Variants in TRMT11 observed in about 807,000 individuals in gnomAD.
TRMT11 encodes tRNA (guanine(10)-N(2))-methyltransferase TRMT11.
In TRMT11, 53 loss-of-function variants were observed where a neutral mutation model predicts 62.8. The ratio of observed to expected loss-of-function variants is 0.84; its 90% CI spans 0.68 to 1.06. TRMT11 has a LOEUF of 1.06. Ranked by LOEUF, TRMT11 falls within the 50% of genes least tolerant of loss-of-function variation. The pLI, the probability that TRMT11 is intolerant of heterozygous loss-of-function variation, is 0.00. For synonymous variants in TRMT11, 188 were observed against 190.3 expected, an observed-to-expected ratio of 0.99 and a Z score of 0.10; for missense variants, 556 against 553.4, an observed-to-expected ratio of 1.00 and a Z score of -0.05.
At chr6:126,101,866 G>GC (rs1380375255) in intron 17 of TRMT11, among the ~76,000 whole-genome samples, 1 of 152,176 alleles carries the variant, frequency 6.6e-6, no homozygotes, top group Non-Finnish European at 1.5e-5. Flanking sequence ...AAAACACACT[G>GC]CATCTCAAAT....
At chr6:126,185,097 G>T (rs1211637878) in intron 1 of TRMT11, among the ~76,000 whole-genome samples, 1 of 152,160 alleles carries the variant, frequency 6.6e-6, no homozygotes, top group Non-Finnish European at 1.5e-5. Flanking sequence ...AGATCTTGAA[G>T]GTCAAGAGAA....
At chr6:126,260,474 A>T in the TRMT11 span, among the ~76,000 whole-genome samples, 1 of 152,188 alleles carries the variant, frequency 6.6e-6, no homozygotes, top group African/African-American at 2.4e-5. Flanking sequence ...GCACCATTAT[A>T]TCACTGTGAT....
At chr6:126,003,257 G>A (rs1015653834) in intron 7 of TRMT11, among the ~76,000 whole-genome samples, 7 of 152,118 alleles carry the variant, frequency 4.6e-5, no homozygotes, top group Non-Finnish European at 2.9e-5. Flanking sequence ...TTCTTAAAAC[G>A]TTATGAGAAT....
downstream of TRMT11, among the ~76,000 whole-genome samples, chr6:126,204,457 T>C (rs1778770724): frequency 6.6e-6 from 1 of 152,238 alleles, no homozygotes; most frequent in South Asian, 2.1e-4. Context: ...AGAATCCCTG[T>C]GTACTGCGTT....
intron 11 of TRMT11, among the ~76,000 whole-genome samples, chr6:126,017,473 C>A (rs1385604064): frequency 6.6e-6 from 1 of 152,162 alleles, no homozygotes; most frequent in Non-Finnish European, 1.5e-5. Flanking sequence ...TTCTGCTGTT[C>A]TTTTTCCTTC....
At chr6:126,208,713 T>C (rs1778812575), downstream of TRMT11, among the ~76,000 whole-genome samples, 1 of 152,258 alleles carries the variant, frequency 6.6e-6, no homozygotes, top group Non-Finnish European at 1.5e-5. Flanking sequence ...GTCATATATA[T>C]TTAACAGATA....
chr6:126,093,748 G>A (rs1777309372), intron 17 of TRMT11, among the ~76,000 whole-genome samples: 1 of 150,776 alleles, frequency 6.6e-6, no homozygotes, highest in Non-Finnish European at 1.5e-5. Context: ...GTGGGAGAGT[G>A]CAGTTAATCA....
At chr6:126,226,538 C>A in the TRMT11 span, among the ~76,000 whole-genome samples, 6 of 151,980 alleles carry the variant, frequency 3.9e-5, no homozygotes, top group African/African-American at 1.5e-4. Context: ...ATAATAATTT[C>A]TATATGGAAA....
At chr6:126,260,115 T>C in the TRMT11 span, among the ~76,000 whole-genome samples, 16 of 152,248 alleles carry the variant, frequency 1.1e-4, no homozygotes, top group African/African-American at 3.9e-4. Context: ...AATTGTTTTA[T>C]TGTTGTTTAA....
At position 126,029,107 on chromosome 6, in the gene TRMT11, T is replaced by C. The variant is rs969603152; in HGVS notation, c.1260+7827T>C. Among the ~76,000 whole-genome samples the C allele has an allele frequency of 2.0e-5, 3 of 152,170 alleles. No individual in the cohort carries two copies. The East Asian group carries it at 5.8e-4, about 29-fold the overall frequency. On this transcript the variant is annotated intron_variant, in intron 12 of 12. Coordinates refer to ENST00000334379, the MANE Select transcript of TRMT11 (RefSeq NM_001031712.3). ...TTGCATGAGTGACAGATTTTCCTCA[T>C]TGTATACTTTTGTATTTTTCTTATT...
At chr6:126,238,228 T>C in the TRMT11 span, among the ~76,000 whole-genome samples, 1 of 152,200 alleles carries the variant, frequency 6.6e-6, no homozygotes, top group Non-Finnish European at 1.5e-5. Context: ...TGCGCTAATC[T>C]TAGTTATTTC....
the TRMT11 span, among the ~76,000 whole-genome samples, chr6:126,227,958 G>A: frequency 1.3e-5 from 2 of 152,212 alleles, no homozygotes; most frequent in African/African-American, 2.4e-5. Flanking sequence ...AGGGCAGGGG[G>A]CACAGGTGGG....
chr6:126,072,028 C>G (rs1052256519), intron 17 of TRMT11, among the ~76,000 whole-genome samples: 1 of 152,146 alleles, frequency 6.6e-6, no homozygotes, highest in African/African-American at 2.4e-5. Context: ...TCAGTGCTAA[C>G]TAGCTGTGTG....
the TRMT11 span, among the ~76,000 whole-genome samples, chr6:126,239,497 G>C: frequency 5.1e-3 from 775 of 152,198 alleles, 2 homozygotes; most frequent in Middle Eastern, 0.017. Flanking sequence ...GAAATTCTGG[G>C]TTGAAAATTC....
intron 17 of TRMT11, among the ~76,000 whole-genome samples, chr6:126,082,987 T>G (rs906963851): frequency 6.6e-6 from 1 of 152,106 alleles, no homozygotes; most frequent in African/African-American, 2.4e-5. Context: ...TATCCAAAAT[T>G]TATAAAGAAC....
chr6:126,263,345 C>G, the TRMT11 span, among the ~76,000 whole-genome samples: 1 of 152,132 alleles, frequency 6.6e-6, no homozygotes, highest in Non-Finnish European at 1.5e-5. Flanking sequence ...AAGTCTAAAA[C>G]TTGTATGTCT....
the TRMT11 span, among the ~76,000 whole-genome samples, chr6:126,223,355 A>G: frequency 6.6e-6 from 1 of 152,136 alleles, no homozygotes; most frequent in South Asian, 2.1e-4. Context: ...CGGGAGGTGG[A>G]GCTTGCAGTG....
Position 126,012,234 on chromosome 6 carries a change from C to T in TRMT11, c.926-537C>T, listed in dbSNP as rs150760811. Among the ~76,000 whole-genome samples the T allele has an allele frequency of 2.0e-3, 310 of 151,896 alleles. 1 individual carries two copies. Among genetic ancestry groups the T allele is most frequent in the African/African-American group, 7.0e-3 (290 of 41,402 alleles). Reference sequence around the variant, plus strand: ...ACAGTTTGCTTTATTATTTGCTCTCCCACTCTGTGTTTACTTATATAAAAT... The same window carrying T: ...ACAGTTTGCTTTATTATTTGCTCTCTCACTCTGTGTTTACTTATATAAAAT... On this transcript the variant is annotated intron_variant, in intron 9 of 12. Coordinates refer to ENST00000334379, the MANE Select transcript of TRMT11 (RefSeq NM_001031712.3).
At chr6:126,255,290 T>G in the TRMT11 span, among the ~76,000 whole-genome samples, 1 of 152,224 alleles carries the variant, frequency 6.6e-6, no homozygotes, top group Non-Finnish European at 1.5e-5. Flanking sequence ...TCACAGGCTC[T>G]CTTTAGCACT....
Sources: allele counts gnomAD v4.1 joint callset (sites outside exome capture counted in the v4.1 genomes callset), GRCh38; gene constraint gnomAD v4.1.1; transcripts MANE v1.5; gene names NCBI Gene and HGNC (gene_info 2026-07-23, HGNC 2026-07-21).